RNF4: variants seen among roughly 807,000 people sequenced by gnomAD.
The protein encoded by RNF4 is ring finger protein 4.
Under a neutral mutation model 24.3 loss-of-function variants are expected in RNF4, and 7 were observed. That is an observed-to-expected ratio of 0.29 (90% CI 0.16 to 0.54). The LOEUF is 0.54. Ranked by LOEUF, RNF4 falls within the 20% of genes least tolerant of loss-of-function variation. The pLI is 0.95. For synonymous variants in RNF4, 83 were observed against 84.3 expected, an observed-to-expected ratio of 0.98 and a Z score of 0.09; for missense variants, 209 against 248.5, an observed-to-expected ratio of 0.84 and a Z score of 1.07.
chr4:2,504,113 G>A (rs1174960399), intron 4 of RNF4, among the ~76,000 whole-genome samples: 2 of 152,152 alleles, frequency 1.3e-5, no homozygotes, highest in Admixed American at 6.5e-5. Context: ...TCCAACTTTC[G>A]AAGGAATTCA....
At chr4:2,502,653 CAG>C (rs1176320155) in intron 4 of RNF4, among the ~76,000 whole-genome samples, 1 of 145,632 alleles carries the variant, frequency 6.9e-6, no homozygotes, top group Non-Finnish European at 1.5e-5. Flanking sequence ...GCCCGGGCAA[CAG>C]AGTGAGACTC....
chr4:2,488,656 C>G (rs183263385), intron 1 of RNF4, among the ~76,000 whole-genome samples: 3 of 152,218 alleles, frequency 2.0e-5, no homozygotes, highest in African/African-American at 7.2e-5. Context: ...TGCACTGTTC[C>G]AAACACTCTC....
intron 2 of RNF4, among the ~76,000 whole-genome samples, chr4:2,493,743 TA>T (rs34740719): frequency 0.26 from 23,217 of 87,902 alleles, 3,192 homozygotes; most frequent in African/African-American, 0.51. Flanking sequence ...GACTCCGTCT[TA>T]AAAAAAAAAA....
In RNF4 at chr4:2,512,880, G is replaced by A. The variant is rs1736307221; in HGVS notation, c.375-203G>A. On this transcript the variant is annotated intron_variant, in intron 6 of 7. Coordinates refer to ENST00000314289, the MANE Select transcript of RNF4 (RefSeq NM_002938.5). This position sits in a 1 kb window ranked among gnomAD's most constrained non-coding sequence, Gnocchi z 4.1. Reference sequence around the variant, plus strand: ...CCTGGGGGAGGGCAGGGTGACTCAGGTTGTGTGCACCTTCTCATGTTCACC... The same window carrying A: ...CCTGGGGGAGGGCAGGGTGACTCAGATTGTGTGCACCTTCTCATGTTCACC... 6.6e-6 allele frequency among the ~76,000 whole-genome samples: 1 copy of A among 152,170 alleles called. No homozygotes were observed. Among genetic ancestry groups the A allele is most frequent in the Non-Finnish European group, 1.5e-5 (1 of 68,022 alleles).
rs575949196 is a variant in RNF4 at position 2,488,832 on chromosome 4, T to A, written c.-157-1505T>A. 1.6e-4 allele frequency among the ~76,000 whole-genome samples: 22 copies of A among 137,672 alleles called. No homozygotes were observed. In the East Asian group the frequency reaches 1.7e-3, roughly 11 times the overall value. The allele number at this position is 137,672 out of a possible 152,430, so 90.3% of individuals were successfully genotyped here. A position where few individuals can be genotyped will look rare whatever the true frequency, so the allele number is the denominator to read the frequency against. ...TCATTTTTTATTTATTTATTTATTTTTTTGAGATGGAGTTTTGCTCTCGTT... is the reference window on the plus strand; with the variant it reads ...TCATTTTTTATTTATTTATTTATTTATTTGAGATGGAGTTTTGCTCTCGTT... On this transcript the variant is annotated intron_variant, in intron 1 of 7. Transcript: ENST00000314289.
intron 1 of RNF4, among the ~76,000 whole-genome samples, chr4:2,471,338 C>T (rs980284687): frequency 6.6e-6 from 1 of 152,188 alleles, no homozygotes. Context: ...GAATAGCACT[C>T]ATATAAGACA....
chr4:2,491,095 G>GT (rs1219783455), intron 2 of RNF4, among the ~76,000 whole-genome samples: 1 of 152,104 alleles, frequency 6.6e-6, no homozygotes, highest in Non-Finnish European at 1.5e-5. Flanking sequence ...TTGCAACCCA[G>GT]TTTTCTGTTT....
intron 1 of RNF4, 116 bp from the exon 2 acceptor site, chr4:2,490,221 C>G: frequency 2.5e-6 from 1 of 405,522 alleles, no homozygotes; most frequent in Non-Finnish European, 4.5e-6. Context: ...GATGTCATTG[C>G]GTGAAATAGT....
chr4:2,504,726 ATTTT>A (rs1182588172), intron 4 of RNF4, among the ~76,000 whole-genome samples: 13 of 61,116 alleles, frequency 2.1e-4, no homozygotes, highest in Middle Eastern at 0.013. Flanking sequence ...CATTTTTTGT[ATTTT>A]TTTTTTTTTT....
intron 1 of RNF4, among the ~76,000 whole-genome samples, chr4:2,477,454 A>G (rs1050446750): frequency 3.9e-5 from 6 of 152,136 alleles, no homozygotes; most frequent in Non-Finnish European, 4.4e-5. Context: ...ACATGGTGGT[A>G]CATGCCTGTA....
intron 1 of RNF4, among the ~76,000 whole-genome samples, chr4:2,477,358 G>A (rs1284336000): frequency 4.6e-5 from 7 of 152,040 alleles, no homozygotes; most frequent in Non-Finnish European, 8.8e-5. Context: ...AGGCCAAGGC[G>A]GGCGGATCAC....
intron 1 of RNF4, among the ~76,000 whole-genome samples, chr4:2,485,968 T>C (rs1735394353): frequency 6.6e-6 from 1 of 152,202 alleles, no homozygotes; most frequent in South Asian, 2.1e-4. Context: ...TCACCGTCAG[T>C]GTTCCCGCTA....
chr4:2,501,734 T>G (rs1735917251), intron 4 of RNF4, among the ~76,000 whole-genome samples: 1 of 152,066 alleles, frequency 6.6e-6, no homozygotes. Flanking sequence ...AGGAGGACTG[T>G]GGGGTGTGGG....
At position 2,484,067 on chromosome 4, in the gene RNF4, T is replaced by TTCC. The variant is rs113878655; in HGVS notation, c.-157-6270_-157-6269insTCC. On this transcript the variant is annotated intron_variant, in intron 1 of 7. Coordinates refer to ENST00000314289, the MANE Select transcript of RNF4 (RefSeq NM_002938.5). ...GTCTCGAACTCCTGGCCTCAGGTGA[T>TTCC]CCCCCCCCGCCTCGGCCTCCCAAAG... Among the ~76,000 whole-genome samples, 6 of 13,248 alleles carry TTCC rather than the reference T, an allele frequency of 4.5e-4. 2 individuals are homozygous for TTCC. Among genetic ancestry groups the TTCC allele is most frequent in the Non-Finnish European group, 9.4e-4 (6 of 6,352 alleles). 8.7% of individuals were successfully genotyped at this position (13,248 alleles called of 152,430 possible).
rs66571775 is a variant in RNF4, at chr4:2,508,911, C to CTTTTTT, written c.205-3025_205-3020dup. ...ACAGGCATGATCCACTGCCCCAGGC[C>CTTTTTT]TTTTTTTTTTTTTTTTTTTTTTTTT... On this transcript the variant is annotated intron_variant, in intron 4 of 7. Transcript: ENST00000314289. Among the ~76,000 whole-genome samples the CTTTTTT allele has an allele frequency of 5.9e-4, 37 of 62,612 alleles. 1 individual carries two copies. Among genetic ancestry groups the CTTTTTT allele is most frequent in the South Asian group, 2.6e-3 (3 of 1,152 alleles). The allele number at this position is 62,612 out of a possible 152,430, so 41.1% of individuals were successfully genotyped here.
intron 4 of RNF4, among the ~76,000 whole-genome samples, chr4:2,506,687 C>G (rs1014714243): frequency 6.6e-6 from 1 of 152,072 alleles, no homozygotes; most frequent in African/African-American, 2.4e-5. Context: ...CCTGCCTCAG[C>G]CTCCTAAGTA....
chr4:2,508,679 C>T (rs1736176864), intron 4 of RNF4, among the ~76,000 whole-genome samples: 2 of 152,250 alleles, frequency 1.3e-5, no homozygotes, highest in South Asian at 4.1e-4. Flanking sequence ...GGTGCAATCT[C>T]GGCTCACCAC....
At chr4:2,473,636 C>A (rs1160664960) in intron 1 of RNF4, among the ~76,000 whole-genome samples, 4 of 101,932 alleles carry the variant, frequency 3.9e-5, no homozygotes, top group African/African-American at 1.1e-4. Flanking sequence ...ATGGTGAAAC[C>A]CCGTCTCTAC....
intron 7 of RNF4, 132 bp downstream of exon 7, chr4:2,513,263 T>C (rs971430827): frequency 1.5e-5 from 13 of 848,576 alleles, no homozygotes; most frequent in African/African-American, 5.0e-5. Flanking sequence ...CCGTCACTTA[T>C]TGCAGATCTG....
Sources: gnomAD v4.1 joint callset for allele counts (sites outside exome capture counted in the v4.1 genomes callset) on GRCh38, gnomAD v4.1.1 for gene constraint, Gnocchi (gnomAD v3.1) non-coding constraint, MANE v1.5 for transcripts, NCBI Gene and HGNC (gene_info 2026-07-23, HGNC 2026-07-21) for gene names.